The following SPDYE3 variants were observed in gnomAD, a reference collection of about 807,000 sequenced individuals.
SPDYE3 encodes the protein speedy protein E3.
Under a neutral mutation model 55.0 loss-of-function variants are expected in SPDYE3, and 15 were observed. The ratio of observed to expected loss-of-function variants is 0.27; its 90% confidence interval spans 0.18 to 0.42. The LOEUF is 0.42. SPDYE3 is among the 10% of genes least tolerant of loss of function. SPDYE3 has a pLI of 1.00. For missense variants in SPDYE3, 236 were observed against 576.7 expected, an observed-to-expected ratio of 0.41 and a Z score of 6.05; for synonymous variants, 89 against 229.9, an observed-to-expected ratio of 0.39 and a Z score of 5.55.
At position 100,307,747 on chromosome 7, in the gene SPDYE3, G is replaced by T. The variant is rs892932376; in HGVS notation, c.-139G>T. 1 of 1,405,700 alleles carries T rather than the reference G, an allele frequency of 7.1e-7. No individual in the cohort carries two copies. The highest frequency in any genetic ancestry group is 9.4e-7 in the Non-Finnish European group (1 of 1,063,924). The allele number at this position is 1,405,700 out of a possible 1,614,324, so 87.1% of individuals were successfully genotyped here. A position where few individuals can be genotyped will look rare whatever the true frequency, so the allele number is the denominator to read the frequency against. ...TCAGGTGAACAACAGTAACTTCTCA[G>T]AGCTGTTCTCCACTCCTGACTTCTC... On this transcript the variant is annotated 5_prime_UTR_variant, in exon 1 of 11. Transcript: ENST00000332397.
chr7:100,320,992 C>T lies in SPDYE3; in HGVS notation c.*147C>T, dbSNP rs1418864093. 26 of 1,199,020 alleles carry T rather than the reference C, an allele frequency of 2.2e-5. No homozygotes were observed. The East Asian group carries it at 1.1e-3, about 52-fold the overall frequency. 74.3% of individuals were successfully genotyped at this position (1,199,020 alleles called of 1,614,324 possible). On this transcript the variant is annotated 3_prime_UTR_variant, in exon 11 of 11. Coordinates refer to ENST00000332397, the MANE Select transcript of SPDYE3 (RefSeq NM_001004351.5). ...GAGAGGAGCCATTTGTGCAGATCATCTAGAAGAACCTGGACCATTCTTGAC... is the reference window on the plus strand; with the variant it reads ...GAGAGGAGCCATTTGTGCAGATCATTTAGAAGAACCTGGACCATTCTTGAC...
intron 8 of SPDYE3, among the ~76,000 whole-genome samples, chr7:100,317,620 A>G (rs1436440258): frequency 6.8e-6 from 1 of 147,406 alleles, no homozygotes; most frequent in African/African-American, 2.5e-5. Flanking sequence ...AAAAGAGCCA[A>G]AAAAAAAAAA....
chr7:100,317,975 C>CAAAAAA (rs1159920205), intron 8 of SPDYE3, among the ~76,000 whole-genome samples: 1 of 43,844 alleles, frequency 2.3e-5, no homozygotes, highest in African/African-American at 7.1e-5. Flanking sequence ...GACTCCGTCT[C>CAAAAAA]AAAAAAAAAA....
At position 100,321,562 on chromosome 7, in the gene SPDYE3, C is replaced by T. The variant is rs1388162742; in HGVS notation, c.*717C>T. The T allele has an allele frequency of 6.5e-6, 1 of 154,412 alleles. No individual in the cohort carries two copies. The highest frequency in any genetic ancestry group is 1.4e-5 in the Non-Finnish European group (1 of 69,870). 9.6% of individuals were successfully genotyped at this position (154,412 alleles called of 1,614,324 possible). ...ATTTTTCTCTGTATTATTATATGTG[C>T]TCCTGAAGCGAGCACTCTTTTTATC... On this transcript the variant is annotated 3_prime_UTR_variant, in exon 11 of 11. Coordinates refer to ENST00000332397, the MANE Select transcript of SPDYE3 (RefSeq NM_001004351.5).
chr7:100,321,252 G>A lies in SPDYE3; in HGVS notation c.*407G>A. 2.7e-6 allele frequency: 1 copy of A among 370,406 alleles called. No individual in the cohort carries two copies. The highest frequency in any genetic ancestry group is 2.0e-5 in the South Asian group (1 of 49,746). 22.9% of individuals were successfully genotyped at this position (370,406 alleles called of 1,614,324 possible). On this transcript the variant is annotated 3_prime_UTR_variant, in exon 11 of 11. Coordinates refer to ENST00000332397, the MANE Select transcript of SPDYE3 (RefSeq NM_001004351.5). ...CAGGAGCATTTGAAGGCACAGTGCAGGGGCTCAGATTGGCACAGAATTCTT... is the reference window on the plus strand; with the variant it reads ...CAGGAGCATTTGAAGGCACAGTGCAAGGGCTCAGATTGGCACAGAATTCTT...
At chr7:100,316,815 C>T (rs1286572764) in intron 7 of SPDYE3, among the ~76,000 whole-genome samples, 1 of 152,182 alleles carries the variant, frequency 6.6e-6, no homozygotes, top group African/African-American at 2.4e-5. Context: ...GACCTAGACA[C>T]ACCCCCTCCA....
At chr7:100,317,540 G>A (rs1442401123) in intron 8 of SPDYE3, among the ~76,000 whole-genome samples, 1 of 151,972 alleles carries the variant, frequency 6.6e-6, no homozygotes, top group African/African-American at 2.4e-5. Context: ...AGGAGGTGGA[G>A]GTTGCAGTAA....
Position 100,308,002 on chromosome 7 carries a change from T to A in SPDYE3, c.106+11T>A. ...TGTCGGGACCATCAGGTGAGGGGAC[T>A]GGAGGAAGAAGAGGTGGCATAGGAT... On this transcript the variant is annotated intron_variant, in intron 1 of 10. Transcript: ENST00000332397. The A allele has an allele frequency of 6.5e-7, 1 of 1,542,926 alleles. No homozygotes were observed. Among genetic ancestry groups the A allele is most frequent in the African/African-American group, 1.4e-5 (1 of 73,444 alleles).
Position 100,307,985 on chromosome 7 carries a change from C to T in SPDYE3, c.100C>T (p.Pro34Ser), listed in dbSNP as rs1467095791. ...QEVVDDEVSGPSAPGVDPSPP... is the reference protein window; with the variant it reads ...QEVVDDEVSGSSAPGVDPSPP... ...GGTGGTGGATGATGAAGTGTCGGGA[C>T]CATCAGGTGAGGGGACTGGAGGAAG... The change falls in exon 1 of 11, where the codon CCA becomes TCA. Residue 34 changes from proline (P) to serine (S), a missense_variant. By Grantham distance (74) the Pro-to-Ser change is moderately conservative (BLOSUM62 -1). Transcript: ENST00000332397. The T allele has an allele frequency of 6.4e-7, 1 of 1,553,834 alleles. No individual in the cohort carries two copies. The highest frequency in any genetic ancestry group is 1.4e-5 in the African/African-American group (1 of 73,694).
At chr7:100,319,902 G>A (rs747495576) in intron 9 of SPDYE3, 29 bp from the exon 10 acceptor site, 19 of 1,611,816 alleles carry the variant, frequency 1.2e-5, no homozygotes, top group South Asian at 8.8e-5. Context: ...GGGAGTCCCC[G>A]TCTTCTCAAA....
chr7:100,308,280 G>A (rs1181345256), intron 1 of SPDYE3, among the ~76,000 whole-genome samples: 47 of 148,680 alleles, frequency 3.2e-4, no homozygotes, highest in African/African-American at 1.1e-3. Context: ...GCAGTGAGCC[G>A]AGATCGTGCT....
chr7:100,308,010 G>C lies in SPDYE3; in HGVS notation c.106+19G>C. 6.5e-7 allele frequency: 1 copy of C among 1,537,634 alleles called. No homozygotes were observed. The highest frequency in any genetic ancestry group is 8.7e-7 in the Non-Finnish European group (1 of 1,148,028). On this transcript the variant is annotated intron_variant, in intron 1 of 10. Coordinates refer to ENST00000332397, the MANE Select transcript of SPDYE3 (RefSeq NM_001004351.5). ...CCATCAGGTGAGGGGACTGGAGGAA[G>C]AAGAGGTGGCATAGGATTGACTAAG...
chr7:100,308,232 G>C (rs1057246534), intron 1 of SPDYE3, among the ~76,000 whole-genome samples: 1 of 150,974 alleles, frequency 6.6e-6, no homozygotes, highest in African/African-American at 2.4e-5. Flanking sequence ...TCGGGAGGCT[G>C]AGACAGGAGA....
At chr7:100,315,361 C>T (rs1314750273) in intron 6 of SPDYE3, among the ~76,000 whole-genome samples, 2 of 152,138 alleles carry the variant, frequency 1.3e-5, no homozygotes, top group African/African-American at 4.8e-5. Flanking sequence ...TTCAGCTGTG[C>T]CCTCTGAAAC....
chr7:100,317,194 G>A (rs751240552), intron 8 of SPDYE3, 39 bp downstream of exon 8: 40 of 1,609,542 alleles, frequency 2.5e-5, no homozygotes, highest in Admixed American at 1.5e-4. Flanking sequence ...AATATCCAAC[G>A]CCCTGGGACA....
At chr7:100,320,825 C>T (rs942773734) in intron 10 of SPDYE3, 66 bp from the exon 11 acceptor site, 77 of 1,120,050 alleles carry the variant, frequency 6.9e-5, no homozygotes, top group Non-Finnish European at 8.2e-5. Flanking sequence ...TGACATGGGA[C>T]GTGAATAACC....
rs570357974 is a variant in SPDYE3, at chr7:100,317,421, C to A, written c.1346+266C>A. 3.9e-3 allele frequency among the ~76,000 whole-genome samples: 591 copies of A among 152,186 alleles called. 6 individuals are homozygous for A. Among genetic ancestry groups the A allele is most frequent in the African/African-American group, 0.014 (561 of 41,534 alleles). ...AGGAGTTTGAGACCAGCCTGGCCAA[C>A]ATGGCAAACCCCGTCTCTACTAAAA... On this transcript the variant is annotated intron_variant, in intron 8 of 10. Transcript: ENST00000332397.
intron 7 of SPDYE3, among the ~76,000 whole-genome samples, chr7:100,316,276 C>G (rs148041420): frequency 4.6e-5 from 7 of 152,286 alleles, no homozygotes; most frequent in African/African-American, 1.4e-4. Context: ...GACCAGCTCC[C>G]ATGGTCTTGA....
intron 4 of SPDYE3, among the ~76,000 whole-genome samples, chr7:100,312,705 G>A (rs368695679): frequency 0.025 from 3,353 of 136,004 alleles, 91 homozygotes; most frequent in Middle Eastern, 0.096. Context: ...TGAAACCCCC[G>A]TCTCTACTAA....
Sources: allele counts gnomAD v4.1 joint callset (sites outside exome capture counted in the v4.1 genomes callset), GRCh38; gene constraint gnomAD v4.1.1; transcripts MANE v1.5; gene names NCBI Gene and HGNC (gene_info 2026-07-23, HGNC 2026-07-21).